TTN: variants seen among roughly 807,000 people sequenced by gnomAD.
TTN encodes titin, also known as connectin.
A neutral mutation model predicts 3,223.0 loss-of-function variants in TTN; 1,525 were observed. The ratio of observed to expected loss-of-function variants is 0.47; its 90% CI spans 0.45 to 0.49. The LOEUF (loss-of-function observed/expected upper bound fraction) is 0.49. Ranked by LOEUF, TTN falls within the 20% of genes least tolerant of loss-of-function variation. The pLI, the probability that TTN is intolerant of heterozygous loss-of-function variation, is 0.00. For synonymous variants in TTN, 14,094 were observed against 15,161.0 expected, an observed-to-expected ratio of 0.93 and a Z score of 5.17; for missense variants, 40,786 against 43,424.0, an observed-to-expected ratio of 0.94 and a Z score of 5.40.
chr2:178,586,676 C>T lies in TTN; in HGVS notation c.64225G>A (p.Glu21409Lys). ...TCTGTCCAGCGATCTGCAGGCTGCT[C>T]TTCTTCTCTGTAACTAGTGATGTAG... is the stretch of plus-strand genomic sequence containing the variant. ...DGYITSYREEEQPADRWTEYS... is the reference protein window; with the variant it reads ...DGYITSYREEKQPADRWTEYS... Residue 21409 changes from glutamate (E) to lysine (K), a missense_variant, in exon 308 of 363, where the codon GAG (glutamate) becomes AAG (lysine). Glu to Lys is a moderately conservative substitution (Grantham distance 56, BLOSUM62 1). Transcript: ENST00000589042. 6.2e-7 allele frequency: 1 copy of T among 1,613,126 alleles called. No homozygotes were observed. The highest frequency in any genetic ancestry group is 8.5e-7 in the Non-Finnish European group (1 of 1,179,384).
intron 111 of TTN, among the ~76,000 whole-genome samples, chr2:178,699,632 C>T (rs1463233867): frequency 6.9e-6 from 1 of 145,308 alleles, no homozygotes; most frequent in Non-Finnish European, 1.5e-5. Context: ...AAGATGGTCT[C>T]GATCTCCTGA....
In TTN at chr2:178,531,405, T is replaced by C. The variant is rs1553486016; in HGVS notation, c.105210A>G (p.Thr35070=). ...CAGAAGACGAAGCTTCCATCTCAGA[T>C]GTTTTCTTAAATGATGAAACAGCAT... The part of the protein sequence containing the change: ...EAYAVSSFKK[T]SEMEASSSVR... The change falls in exon 358 of 363, where the codon ACA becomes ACG. Residue 35070 remains threonine (T), a synonymous_variant. Coordinates refer to ENST00000589042, the MANE Select transcript of TTN (RefSeq NM_001267550.2). The C allele has an allele frequency of 2.5e-6, 4 of 1,614,048 alleles. No homozygotes were observed. The highest frequency in any genetic ancestry group is 1.1e-5 in the South Asian group (1 of 91,088).
At chr2:178,689,649 AGT>A (rs1034296192) in intron 122 of TTN, 54 bp from the exon 123 acceptor site, 2 of 1,525,180 alleles carry the variant, frequency 1.3e-6, no homozygotes, top group African/African-American at 2.8e-5. Flanking sequence ...AGCTATGCAC[AGT>A]TATTTTTTTT....
chr2:178,592,660 T>C lies in TTN; in HGVS notation c.59345A>G (p.Glu19782Gly). 6.2e-7 allele frequency: 1 copy of C among 1,612,664 alleles called. No individual in the cohort carries two copies. The highest frequency in any genetic ancestry group is 1.3e-5 in the African/African-American group (1 of 74,936). ...GGCATCAAGAATCAACTCAGGGGGT[T>C]CTAGAATAAAGAGAACAGAACACTC... ...PEPVLVKDRLEPPELILDANM... is the reference protein window; with the variant it reads ...PEPVLVKDRLGPPELILDANM... Residue 19782 changes from glutamate to glycine, a missense_variant and splice_region_variant, in exon 301 of 363, where the codon GAA becomes GGA. By Grantham distance (98) the Glu-to-Gly change is moderately conservative. Coordinates refer to ENST00000589042, the MANE Select transcript of TTN (RefSeq NM_001267550.2).
In TTN at chr2:178,580,102, A is replaced by C. The variant is rs924623124; in HGVS notation, c.67185T>G (p.Asp22395Glu). The C allele has an allele frequency of 2.5e-6, 4 of 1,613,274 alleles. No individual in the cohort carries two copies. The East Asian group carries it at 8.9e-5, about 36-fold the overall frequency. Residue 22395 changes from aspartate to glutamate, a missense_variant, in exon 318 of 363, where the codon GAT becomes GAG. Asp to Glu is a conservative substitution (Grantham distance 45). Coordinates refer to ENST00000589042, the MANE Select transcript of TTN (RefSeq NM_001267550.2). Reference sequence around the variant, plus strand: ...CTGTAGACCAGGATTTCCTCTCTGCATCACGTTTTTGTACCACATAGTTTA... The same window carrying C: ...CTGTAGACCAGGATTTCCTCTCTGCCTCACGTTTTTGTACCACATAGTTTA... ...PIINYVVQKR[D>E]AERKSWSTVT... is the part of the protein sequence containing the mutation.
chr2:178,797,505 A>G (rs904748971), intron 6 of TTN, among the ~76,000 whole-genome samples: 6 of 151,660 alleles, frequency 4.0e-5, no homozygotes, highest in Admixed American at 1.3e-4. Flanking sequence ...CATTTAGTGC[A>G]TTTATTGGTT....
Position 178,527,714 on chromosome 2 carries a change from C to G in TTN, c.107412G>C (p.Leu35804Phe). 6.2e-7 allele frequency: 1 copy of G among 1,609,950 alleles called. No homozygotes were observed. Among genetic ancestry groups the G allele is most frequent in the Non-Finnish European group, 8.5e-7 (1 of 1,176,994 alleles). The change falls in exon 362 of 363, where the codon TTG becomes TTC. Residue 35804 changes from leucine to phenylalanine, a missense_variant. Physicochemically the swap from Leu to Phe is conservative, Grantham distance 22. Coordinates refer to ENST00000589042, the MANE Select transcript of TTN (RefSeq NM_001267550.2). Reference protein sequence around the residue: ...LVEEPSREVVLRTSGDTSLQG... With the variant: ...LVEEPSREVVFRTSGDTSLQG... ...GCAAGCTTGTGTCACCACTTGTTCT[C>G]AATACTACCTCTCTGGAAGGTTCTT... is the stretch of plus-strand genomic sequence containing the variant.
In TTN at chr2:178,581,907, C is replaced by G. The variant is rs1204552364; in HGVS notation, c.66462G>C (p.Gln22154His). ...TGGAACTCGTTCATGAACACTTACA[C>G]TGAGGGTCCCGAGCATAAGCGGCCT... ...ASKAAYARDP[Q>H]YPPGPPAFPK... is the part of the protein sequence containing the mutation. Residue 22154 changes from glutamine to histidine, a missense_variant and splice_region_variant, in exon 315 of 363, where the codon CAG becomes CAC. Gln to His is a conservative substitution (Grantham distance 24). Transcript: ENST00000589042. The G allele has an allele frequency of 6.2e-7, 1 of 1,612,984 alleles. No individual in the cohort carries two copies. The highest frequency in any genetic ancestry group is 8.5e-7 in the Non-Finnish European group (1 of 1,179,398).
At chr2:178,702,009 A>G (rs1460530173) in intron 109 of TTN, 31 bp downstream of exon 109, 2 of 1,603,480 alleles carry the variant, frequency 1.2e-6, no homozygotes, top group African/African-American at 2.7e-5. Flanking sequence ...ATTTATTGTA[A>G]GCAAGGATTG....
At position 178,535,704 on chromosome 2, in the gene TTN, G is replaced by C; in HGVS notation, c.100911C>G (p.Asp33637Glu). 2 of 1,613,758 alleles carry C rather than the reference G, an allele frequency of 1.2e-6. No homozygotes were observed. Among genetic ancestry groups the C allele is most frequent in the Non-Finnish European group, 1.7e-6 (2 of 1,179,774 alleles). Residue 33637 changes from aspartate to glutamate, a missense_variant, in exon 358 of 363, where the codon GAC (aspartate) becomes GAG (glutamate). By Grantham distance (45) the Asp-to-Glu change is conservative. Transcript: ENST00000589042. Reference sequence around the variant, plus strand: ...CAATAACTTGGTAGTGGCCATTATTGTCAATGAGATCTTGTCCTTTCTGCC... The same window carrying C: ...CAATAACTTGGTAGTGGCCATTATTCTCAATGAGATCTTGTCCTTTCTGCC... ...ITWQKGQDLIDNNGHYQVIVT... is the reference protein window; with the variant it reads ...ITWQKGQDLIENNGHYQVIVT...
rs562978806 is a variant in TTN, at chr2:178,777,475, C to A, written c.4590G>T (p.Val1530=). Reference sequence around the variant, plus strand: ...ATCTGCCTGCCCTGTTTTGGGCAACCACAGTCCATTCCCCAGAATCACTGG... The same window carrying A: ...ATCTGCCTGCCCTGTTTTGGGCAACAACAGTCCATTCCCCAGAATCACTGG... ...ATPSDSGEWT[V]VAQNRAGRSS... is the part of the protein sequence containing the mutation. Residue 1530 remains valine, a synonymous_variant, in exon 26 of 363, where the codon GTG becomes GTT. Coordinates refer to ENST00000589042, the MANE Select transcript of TTN (RefSeq NM_001267550.2). The A allele has an allele frequency of 6.2e-7, 1 of 1,613,908 alleles. No individual in the cohort carries two copies.
At position 178,539,967 on chromosome 2, in the gene TTN, C is replaced by G; in HGVS notation, c.98099-1G>C. On this transcript the variant is annotated splice_acceptor_variant, in intron 351 of 362. Transcript: ENST00000589042. LOFTEE classifies it high-confidence loss of function. ...TCATCAAGTTCATAATCAGGATATT[C>G]TGGAAAAAAAGGTAGGGTTTCAATT... is the stretch of plus-strand genomic sequence containing the variant. The G allele has an allele frequency of 6.2e-7, 1 of 1,609,270 alleles. No homozygotes were observed. Among genetic ancestry groups the G allele is most frequent in the Non-Finnish European group, 8.5e-7 (1 of 1,177,116 alleles).
At chr2:178,709,945 T>C in intron 98 of TTN, 89 bp from the exon 99 acceptor site, 1 of 1,370,428 alleles carries the variant, frequency 7.3e-7, no homozygotes, top group South Asian at 1.4e-5. Context: ...CTCATATTTT[T>C]AGTTAAAAAT....
intron 121 of TTN, among the ~76,000 whole-genome samples, chr2:178,691,402 A>G (rs561227098): frequency 1.1e-4 from 16 of 152,290 alleles, no homozygotes; most frequent in Admixed American, 2.0e-4. Flanking sequence ...TACCTCTGTG[A>G]AAGGTACTTT....
Position 178,544,029 on chromosome 2 carries a change from A to T in TTN, c.96115T>A (p.Ser32039Thr). Reference protein sequence around the residue: ...GASLRLMVSVSGRPPPVITWS... With the variant: ...GASLRLMVSVTGRPPPVITWS... ...GTTATGACAGGAGGTGGTCTTCCAGATACAGACACCATCAAGCGCAAGGAG... is the reference window on the plus strand; with the variant it reads ...GTTATGACAGGAGGTGGTCTTCCAGTTACAGACACCATCAAGCGCAAGGAG... The change falls in exon 346 of 363, where the codon TCT becomes ACT. Residue 32039 changes from serine (S) to threonine (T), a missense_variant. Coordinates refer to ENST00000589042, the MANE Select transcript of TTN (RefSeq NM_001267550.2). The T allele has an allele frequency of 6.2e-7, 1 of 1,613,630 alleles. No homozygotes were observed. Among genetic ancestry groups the T allele is most frequent in the Non-Finnish European group, 8.5e-7 (1 of 1,179,700 alleles).
chr2:178,669,922 T>C (rs954457367), intron 157 of TTN, among the ~76,000 whole-genome samples: 3 of 152,014 alleles, frequency 2.0e-5, no homozygotes, highest in Non-Finnish European at 2.9e-5. Flanking sequence ...AGCACACTTT[T>C]TTTTTTCCAG....
chr2:178,675,359 C>CTTT lies in TTN; in HGVS notation c.34538-249_34538-247dup, dbSNP rs563332904. On this transcript the variant is annotated intron_variant, in intron 149 of 362. Coordinates refer to ENST00000589042, the MANE Select transcript of TTN (RefSeq NM_001267550.2). Reference sequence around the variant, plus strand: ...AGCCTCTATTTCTTTTTTCTTTTGTCTTTTTTTTTTTTGTAGGAAGAAATG... The same window carrying CTTT: ...AGCCTCTATTTCTTTTTTCTTTTGTCTTTTTTTTTTTTTTTGTAGGAAGAAATG... 6 of 326,114 alleles carry CTTT rather than the reference C, an allele frequency of 1.8e-5. No homozygotes were observed. In the South Asian group the frequency reaches 3.2e-4, roughly 17 times the overall value. The allele number at this position is 326,114 out of a possible 1,614,324, so 20.2% of individuals were successfully genotyped here. A position where few individuals can be genotyped will look rare whatever the true frequency, so the allele number is the denominator to read the frequency against.
rs1393654285 is a variant in TTN, at chr2:178,561,311, G to C, written c.84821C>G (p.Ser28274Cys). The C allele has an allele frequency of 6.2e-7, 1 of 1,613,808 alleles. No homozygotes were observed. The change falls in exon 326 of 363, where the codon TCT becomes TGT. Residue 28274 changes from serine to cysteine, a missense_variant. Physicochemically the swap from Ser to Cys is moderately radical, Grantham distance 112 (BLOSUM62 -1). Transcript: ENST00000589042. ...AGCTCCACCATCATAATGTGGTTTA[G>C]ACCATTTAAGTGACACTGATTTTCT... is the stretch of plus-strand genomic sequence containing the variant. ...ITRKSVSLKW[S>C]KPHYDGGAKI...
At chr2:178,674,275 C>A in intron 151 of TTN, 39 bp downstream of exon 151, 1 of 1,223,742 alleles carries the variant, frequency 8.2e-7, no homozygotes, top group Non-Finnish European at 1.2e-6. Flanking sequence ...TTTGGAACAC[C>A]AGGAATTTTA....
Sources: gnomAD v4.1 joint callset for allele counts (sites outside exome capture counted in the v4.1 genomes callset) on GRCh38, gnomAD v4.1.1 for gene constraint, MANE v1.5 for transcripts, NCBI Gene and HGNC (gene_info 2026-07-23, HGNC 2026-07-21) for gene names.